The following PRDM8 variants were observed in gnomAD, a reference collection of about 807,000 sequenced individuals.
PRDM8 encodes PR domain zinc finger protein 8.
Under a neutral mutation model 46.5 loss-of-function variants are expected in PRDM8, and 13 were observed. The ratio of observed to expected loss-of-function variants is 0.28; its 90% CI spans 0.18 to 0.44. The LOEUF is 0.44. PRDM8 is among the 20% of genes least tolerant of loss of function. The probability of loss-of-function intolerance (pLI) is 1.00; values close to 1 mark genes in which losing one functional copy is unlikely to be tolerated. For missense variants in PRDM8, 998 were observed against 955.0 expected, an observed-to-expected ratio of 1.04 and a Z score of -0.59; for synonymous variants, 473 against 438.4, an observed-to-expected ratio of 1.08 and a Z score of -0.98.
upstream of PRDM8, among the ~76,000 whole-genome samples, chr4:80,194,555 T>C (rs1446938269): frequency 6.6e-6 from 1 of 152,248 alleles, no homozygotes; most frequent in Non-Finnish European, 1.5e-5. Flanking sequence ...TATTGTCATT[T>C]AGGACATTTA....
Position 80,197,827 on chromosome 4 carries a change from A to C in PRDM8, c.-3+64A>C, listed in dbSNP as rs571675734. 5.9e-5 allele frequency: 57 copies of C among 965,852 alleles called. 2 individuals carry two copies. In the South Asian group the frequency reaches 2.6e-3, roughly 44 times the overall value. The allele number at this position is 965,852 out of a possible 1,614,324, so 59.8% of individuals were successfully genotyped here. On this transcript the variant is annotated intron_variant, in intron 1 of 3. Coordinates refer to ENST00000415738, the MANE Select transcript of PRDM8 (RefSeq NM_001099403.2). ...GAAGACAGTTTGGTGGAAAGAGTAG[A>C]ACATTTTGTCTTCCGTCTCCTTATT...
At chr4:80,200,047 C>A in intron 1 of PRDM8, 32 bp from the exon 2 acceptor site, 1 of 1,562,412 alleles carries the variant, frequency 6.4e-7, no homozygotes. Flanking sequence ...AGTAACATAA[C>A]TCACTTTCTT....
intron 1 of PRDM8, among the ~76,000 whole-genome samples, chr4:80,190,799 C>A (rs1186130785): frequency 6.6e-6 from 1 of 152,174 alleles, no homozygotes; most frequent in South Asian, 2.1e-4. Context: ...GGAGGAGCAG[C>A]TAATTCAGTC....
chr4:80,196,028 G>A, upstream of PRDM8: 2 of 982,720 alleles, frequency 2.0e-6, no homozygotes, highest in Non-Finnish European at 2.4e-6. Context: ...TCCTCCCCTG[G>A]CCTCCTGGGA....
rs779984403 is a variant in PRDM8, at chr4:80,203,547, C to T, written c.*15C>T. On this transcript the variant is annotated 3_prime_UTR_variant, in exon 4 of 4. Coordinates refer to ENST00000415738, the MANE Select transcript of PRDM8 (RefSeq NM_001099403.2). ...CGCATAATTGACTCGGAAAGGACCC[C>T]AGCTTTCCACGCGCGCGCAAGCACA... 3.1e-6 allele frequency: 5 copies of T among 1,594,176 alleles called. No individual in the cohort carries two copies. Among genetic ancestry groups the T allele is most frequent in the African/African-American group, 2.7e-5 (2 of 74,384 alleles).
At chr4:80,199,367 A>G (rs1238185667) in intron 1 of PRDM8, among the ~76,000 whole-genome samples, 1 of 152,144 alleles carries the variant, frequency 6.6e-6, no homozygotes, top group East Asian at 1.9e-4. Context: ...AGAAAAAAAA[A>G]TTACCTCTGC....
upstream of PRDM8, among the ~76,000 whole-genome samples, chr4:80,193,954 C>T (rs574432826): frequency 3.9e-5 from 6 of 152,150 alleles, no homozygotes; most frequent in South Asian, 2.1e-4. Flanking sequence ...ATAATCTTTA[C>T]GTGAATTATT....
chr4:80,196,387 A>G, upstream of PRDM8: 1 of 985,498 alleles, frequency 1.0e-6, no homozygotes, highest in Non-Finnish European at 1.2e-6. Flanking sequence ...GAAGCCCGAG[A>G]TTCCCCAGCG....
At chr4:80,190,889 A>T (rs1326929952) in intron 1 of PRDM8, among the ~76,000 whole-genome samples, 2 of 152,208 alleles carry the variant, frequency 1.3e-5, no homozygotes, top group Admixed American at 1.3e-4. Flanking sequence ...AGTTTAGGGG[A>T]ACCCCACTTA....
chr4:80,201,872 G>C (rs368993952), intron 3 of PRDM8, 42 bp from the exon 4 acceptor site: 61 of 1,560,378 alleles, frequency 3.9e-5, no homozygotes, highest in Non-Finnish European at 5.1e-5. Flanking sequence ...GTGTGTGTGT[G>C]TGTGCGTGCG....
upstream of PRDM8, chr4:80,196,925 A>T (rs1243083545): frequency 3.0e-6 from 3 of 985,352 alleles, no homozygotes; most frequent in Non-Finnish European, 3.6e-6. Context: ...AGGCTGAGCC[A>T]AGTTCTCACC....
rs1436193750 is a variant in PRDM8 at position 80,204,072 on chromosome 4, T to A, written c.*540T>A. On this transcript the variant is annotated 3_prime_UTR_variant, in exon 4 of 4. Coordinates refer to ENST00000415738, the MANE Select transcript of PRDM8 (RefSeq NM_001099403.2). ...TTCCTACAAAAATAAACAAAATGAA[T>A]AAAAAGGGATCACCATTCAATTTGA... 1.3e-5 allele frequency: 2 copies of A among 152,686 alleles called. No homozygotes were observed. Among genetic ancestry groups the A allele is most frequent in the African/African-American group, 4.8e-5 (2 of 41,442 alleles). The allele number at this position is 152,686 out of a possible 1,614,324, so 9.5% of individuals were successfully genotyped here.
chr4:80,199,615 A>G (rs544931991), intron 1 of PRDM8, among the ~76,000 whole-genome samples: 4 of 152,184 alleles, frequency 2.6e-5, no homozygotes, highest in Admixed American at 6.5e-5. Flanking sequence ...ATACATAGGC[A>G]GACAGGCACT....
Position 80,203,599 on chromosome 4 carries a change from G to A in PRDM8, c.*67G>A. 6.7e-7 allele frequency: 1 copy of A among 1,502,232 alleles called. No individual in the cohort carries two copies. The highest frequency in any genetic ancestry group is 1.4e-5 in the African/African-American group (1 of 72,052). The allele number at this position is 1,502,232 out of a possible 1,614,324, so 93.1% of individuals were successfully genotyped here. On this transcript the variant is annotated 3_prime_UTR_variant, in exon 4 of 4. Transcript: ENST00000415738. ...TTAAGCCACCTGCAGGAATAAACAC[G>A]CGAGAACATCCACCGCTTCCTTGCA...
chr4:80,194,098 C>T (rs1005873130), upstream of PRDM8: 2 of 307,862 alleles, frequency 6.5e-6, no homozygotes, highest in Non-Finnish European at 9.5e-6. Context: ...ACCCTTTCTC[C>T]ACCCTCTCAC....
At chr4:80,193,793 T>C (rs933901265), upstream of PRDM8, among the ~76,000 whole-genome samples, 2 of 152,184 alleles carry the variant, frequency 1.3e-5, no homozygotes, top group Non-Finnish European at 2.9e-5. Context: ...GTGTGGGTTT[T>C]TTCCCCCCCT....
At chr4:80,197,231 A>T, upstream of PRDM8, 1 of 985,374 alleles carries the variant, frequency 1.0e-6, no homozygotes, top group Non-Finnish European at 1.2e-6. Context: ...CTTCCTTTCC[A>T]ATCCTGAAAC....
intron 2 of PRDM8, among the ~76,000 whole-genome samples, chr4:80,200,983 C>T (rs1187993983): frequency 1.3e-5 from 2 of 152,214 alleles, no homozygotes. Flanking sequence ...GAAGTAAACT[C>T]TCAAGGGGTT....
At position 80,202,638 on chromosome 4, in the gene PRDM8, T is replaced by C. The variant is rs1222288677; in HGVS notation, c.1176T>C (p.Ala392=). The change falls in exon 4 of 4, where the codon GCT becomes GCC. Residue 392 remains alanine (A), a synonymous_variant. Transcript: ENST00000415738. The part of the protein sequence containing the change: ...KRSAFVEVKK[A]ARAASLQEEG... ...GCGCCTTCGTGGAGGTGAAGAAGGC[T>C]GCCCGCGCGGCCAGCCTGCAGGAGG... The C allele has an allele frequency of 1.3e-6, 2 of 1,511,574 alleles. No homozygotes were observed. The highest frequency in any genetic ancestry group is 2.4e-5 in the South Asian group (2 of 81,770). 93.6% of individuals were successfully genotyped at this position (1,511,574 alleles called of 1,614,324 possible).
Sources: gnomAD v4.1 joint callset for allele counts (sites outside exome capture counted in the v4.1 genomes callset) on GRCh38, gnomAD v4.1.1 for gene constraint, MANE v1.5 for transcripts, NCBI Gene and HGNC (gene_info 2026-07-23, HGNC 2026-07-21) for gene names.